The following ITFG1 variants were observed in gnomAD, a reference collection of about 807,000 sequenced individuals.
The protein encoded by ITFG1 is T-cell immunomodulatory protein.
In ITFG1, 34 loss-of-function variants were observed where a neutral mutation model predicts 81.8. The observed-to-expected ratio is 0.42, with a 90% CI of 0.32 to 0.55. The LOEUF is 0.55. ITFG1 is among the 20% of genes least tolerant of loss of function. The pLI is 0.17. For synonymous variants in ITFG1, 285 were observed against 270.6 expected (o/e 1.05, Z -0.52); for missense variants, 672 against 755.4 (o/e 0.89, Z 1.29).
intron 7 of ITFG1, among the ~76,000 whole-genome samples, chr16:47,374,300 C>A (rs149253265): frequency 6.6e-4 from 100 of 152,206 alleles, no homozygotes; most frequent in African/African-American, 1.6e-3. Flanking sequence ...AACCCTTAGT[C>A]CCCATTTTCT....
rs370306680 is a variant in ITFG1 at position 47,408,272 on chromosome 16, T to TA, written c.655+20531dup. 4.6e-3 allele frequency among the ~76,000 whole-genome samples: 707 copies of TA among 152,328 alleles called. 4 individuals carry two copies. Among genetic ancestry groups the TA allele is most frequent in the Non-Finnish European group, 8.3e-3 (565 of 68,028 alleles). On this transcript the variant is annotated intron_variant, in intron 6 of 17. Transcript: ENST00000320640. The stretch of plus-strand genomic sequence containing the variant: ...AATGAATGAAAAGTATGTGTGATAT[T>TA]AAAGAAATTTTCAGGTTATGTTTCC...
At chr16:47,396,281 T>C (rs1057123687) in intron 6 of ITFG1, 3 of 398,814 alleles carry the variant, frequency 7.5e-6, no homozygotes, top group Non-Finnish European at 3.4e-6. Flanking sequence ...CATTGCTTGC[T>C]TCTCCAATGG....
chr16:47,367,210 T>C (rs1968188566), intron 7 of ITFG1, among the ~76,000 whole-genome samples: 1 of 152,210 alleles, frequency 6.6e-6, no homozygotes, highest in African/African-American at 2.4e-5. Context: ...TTCCATGCCC[T>C]CTCTGGGCAC....
At chr16:47,424,477 G>C (rs1016633120) in intron 6 of ITFG1, among the ~76,000 whole-genome samples, 2 of 152,146 alleles carry the variant, frequency 1.3e-5, no homozygotes, top group Non-Finnish European at 2.9e-5. Flanking sequence ...TCTCTTGCTG[G>C]TGAGGAGCTG....
intron 6 of ITFG1, among the ~76,000 whole-genome samples, chr16:47,426,978 C>T (rs1217924770): frequency 1.3e-5 from 2 of 152,122 alleles, no homozygotes; most frequent in African/African-American, 4.8e-5. Context: ...CTCACAAAAA[C>T]AGGTGGGAAG....
chr16:47,311,181 G>T, intron 10 of ITFG1, 59 bp downstream of exon 10: 1 of 1,284,916 alleles, frequency 7.8e-7, no homozygotes, highest in Admixed American at 2.1e-5. Flanking sequence ...AAGTACCATG[G>T]TTTGCAAATA....
chr16:47,437,376 G>C (rs745346957), intron 5 of ITFG1, among the ~76,000 whole-genome samples: 56 of 151,766 alleles, frequency 3.7e-4, no homozygotes, highest in Non-Finnish European at 7.5e-4. Flanking sequence ...GCTGAGGCAG[G>C]AGGACTGCTT....
intron 6 of ITFG1, chr16:47,426,448 A>G: frequency 6.6e-6 from 1 of 150,954 alleles, no homozygotes; most frequent in Non-Finnish European, 1.5e-5. Flanking sequence ...CTCATCTTGA[A>G]AAGCAAGTTT....
At chr16:47,248,535 T>G (rs1213134415) in intron 12 of ITFG1, among the ~76,000 whole-genome samples, 1 of 152,214 alleles carries the variant, frequency 6.6e-6, no homozygotes, top group East Asian at 1.9e-4. Context: ...AATTATAATT[T>G]AAAAACTCCA....
At chr16:47,181,872 T>G (rs1347080749) in intron 14 of ITFG1, among the ~76,000 whole-genome samples, 1 of 152,204 alleles carries the variant, frequency 6.6e-6, no homozygotes. Context: ...CCTGTTGATC[T>G]ATGACCTTAC....
chr16:47,274,584 A>C (rs954266759), intron 10 of ITFG1, among the ~76,000 whole-genome samples: 4 of 152,164 alleles, frequency 2.6e-5, no homozygotes, highest in African/African-American at 7.2e-5. Flanking sequence ...ACCCCAAGTG[A>C]CCCAATTGAA....
chr16:47,200,401 C>A (rs1202611319), intron 14 of ITFG1, among the ~76,000 whole-genome samples: 1 of 152,130 alleles, frequency 6.6e-6, no homozygotes, highest in African/African-American at 2.4e-5. Context: ...AATTTGATAG[C>A]TCTCTTTACC....
At chr16:47,375,775 G>C in intron 7 of ITFG1, 101 bp downstream of exon 7, 2 of 780,196 alleles carry the variant, frequency 2.6e-6, no homozygotes, top group Non-Finnish European at 4.5e-6. Flanking sequence ...TCTATTTATT[G>C]TTGAAATCAA....
chr16:47,176,808 G>A (rs1458316870), intron 14 of ITFG1, among the ~76,000 whole-genome samples: 1 of 152,158 alleles, frequency 6.6e-6, no homozygotes, highest in Non-Finnish European at 1.5e-5. Flanking sequence ...AATTATCAGA[G>A]TAATCAGTAT....
intron 10 of ITFG1, among the ~76,000 whole-genome samples, chr16:47,287,994 C>A (rs2151553243): frequency 6.6e-6 from 1 of 152,272 alleles, no homozygotes; most frequent in South Asian, 2.1e-4. Flanking sequence ...TTACTTTCTC[C>A]AGGAAGTCTT....
intron 14 of ITFG1, among the ~76,000 whole-genome samples, chr16:47,177,561 A>G (rs1294863817): frequency 6.6e-6 from 1 of 152,222 alleles, no homozygotes; most frequent in African/African-American, 2.4e-5. Flanking sequence ...TTAGAAAAGA[A>G]TATGTATGTT....
Position 47,193,214 on chromosome 16 carries a change from T to TA in ITFG1, c.1453+25653dup, listed in dbSNP as rs201614014. Among the ~76,000 whole-genome samples, 295 of 151,066 alleles carry TA rather than the reference T, an allele frequency of 2.0e-3. 2 individuals are homozygous for TA. Among genetic ancestry groups the TA allele is most frequent in the African/African-American group, 6.8e-3 (278 of 41,156 alleles). On this transcript the variant is annotated intron_variant, in intron 14 of 17. Coordinates refer to ENST00000320640, the MANE Select transcript of ITFG1 (RefSeq NM_030790.5). ...TTGTAAAATTTTATTTTAATTTTAT[T>TA]AAAAAAATTTTTTTTTTTTTCAGAT... is the stretch of plus-strand genomic sequence containing the variant.
intron 14 of ITFG1, among the ~76,000 whole-genome samples, chr16:47,164,837 GC>G (rs1964867244): frequency 6.6e-6 from 1 of 152,238 alleles, no homozygotes; most frequent in African/African-American, 2.4e-5. Context: ...ATATCCATTG[GC>G]TGTGAAGCCG....
intron 13 of ITFG1, among the ~76,000 whole-genome samples, chr16:47,221,323 C>A (rs1965688702): frequency 6.6e-6 from 1 of 152,164 alleles, no homozygotes; most frequent in African/African-American, 2.4e-5. Flanking sequence ...AAGGCCTTTT[C>A]TGCATCTATT....
Sources: allele counts gnomAD v4.1 joint callset (sites outside exome capture counted in the v4.1 genomes callset), GRCh38; gene constraint gnomAD v4.1.1; transcripts MANE v1.5; gene names NCBI Gene and HGNC (gene_info 2026-07-23, HGNC 2026-07-21).